The following ZP4 variants were observed in gnomAD, a reference collection of about 807,000 sequenced individuals.
The protein encoded by ZP4 is zona pellucida glycoprotein 4, also known as zona pellucida sperm-binding protein 4.
ZP4 carries 62 observed loss-of-function variants against 62.3 expected under a neutral mutation model. The observed-to-expected ratio is 0.99, with a 90% CI of 0.81 to 1.23. ZP4 has a LOEUF of 1.23. Ranked by LOEUF, ZP4 falls within the 50% of genes most tolerant of loss-of-function variation. The pLI is 0.00. For missense variants in ZP4, 774 were observed against 656.0 expected (o/e 1.18, Z -1.97); for synonymous variants, 289 against 247.3 (o/e 1.17, Z -1.58).
rs776928138 is a variant in ZP4 at position 237,885,276 on chromosome 1, G to T, written c.1200C>A (p.Ile400=). 5 of 1,614,050 alleles carry T rather than the reference G, an allele frequency of 3.1e-6. No homozygotes were observed. The Admixed American group carries it at 8.3e-5, about 27-fold the overall frequency. Residue 400 remains isoleucine, a synonymous_variant, in exon 9 of 12, where the codon ATC becomes ATA. Coordinates refer to ENST00000366570, the MANE Select transcript of ZP4 (RefSeq NM_021186.5). ...GAAGATCCAAGGCTTTCTGGACAGG[G>T]ATCAGCTGGGTCTGATAGTTGTCTC... ...YIGDNYQTQL[I]PVQKALDLPF... is the part of the protein sequence containing the mutation.
At chr1:237,889,991 G>A in intron 2 of ZP4, 22 bp from the exon 3 acceptor site, 1 of 1,614,166 alleles carries the variant, frequency 6.2e-7, no homozygotes, top group Non-Finnish European at 8.5e-7. Context: ...GGCCCTTGGG[G>A]GTCAGCCTGG....
At chr1:237,884,057 C>CACACAAACACACACAAACACACACAA (rs1665036369) in intron 10 of ZP4, among the ~76,000 whole-genome samples, 15 of 137,176 alleles carry the variant, frequency 1.1e-4, no homozygotes, top group African/African-American at 4.8e-4. Context: ...CACACAAACA[C>CACACAAACACACACAAACACACACAA]ACACAAACAC....
At position 237,890,796 on chromosome 1, in the gene ZP4, T is replaced by C; in HGVS notation, c.-161A>G. Reference sequence around the variant, plus strand: ...GGATGCCTTCAGAAAGGGGAATTCCTCTAGCCTCATTTGCTTTGGGGCACA... The same window carrying C: ...GGATGCCTTCAGAAAGGGGAATTCCCCTAGCCTCATTTGCTTTGGGGCACA... On this transcript the variant is annotated 5_prime_UTR_variant, in exon 1 of 12. Coordinates refer to ENST00000366570, the MANE Select transcript of ZP4 (RefSeq NM_021186.5). 2.8e-6 allele frequency: 2 copies of C among 725,000 alleles called. No individual in the cohort carries two copies. The highest frequency in any genetic ancestry group is 2.2e-6 in the Non-Finnish European group (1 of 459,090). 44.9% of individuals were successfully genotyped at this position (725,000 alleles called of 1,614,324 possible). A position where few individuals can be genotyped will look rare whatever the true frequency, so the allele number is the denominator to read the frequency against.
In ZP4 at chr1:237,884,049, CACAAACACACACAA is replaced by C. The variant is rs1558531276; in HGVS notation, c.1390+706_1390+719del. On this transcript the variant is annotated intron_variant, in intron 10 of 11. Coordinates refer to ENST00000366570, the MANE Select transcript of ZP4 (RefSeq NM_021186.5). ...ACACACACAAACACACACAAACACA[CACAAACACACACAA>C]ACACACACAAACACACACAAACACA... Among the ~76,000 whole-genome samples the C allele has an allele frequency of 3.4e-4, 46 of 136,550 alleles. 1 individual carries two copies. The highest frequency in any genetic ancestry group is 1.3e-3 in the African/African-American group (38 of 29,308). 89.6% of individuals were successfully genotyped at this position (136,550 alleles called of 152,430 possible).
At chr1:237,885,645 C>A (rs1665083711) in intron 7 of ZP4, 65 bp from the exon 8 acceptor site, 1 of 1,595,162 alleles carries the variant, frequency 6.3e-7, no homozygotes, top group Non-Finnish European at 8.5e-7. Flanking sequence ...ACTGTCACCC[C>A]TTTAAATAGC....
In ZP4 at chr1:237,886,872, C is replaced by T. The variant is rs749218125; in HGVS notation, c.742-4G>A. The T allele has an allele frequency of 3.1e-6, 5 of 1,611,926 alleles. No individual in the cohort carries two copies. In the South Asian group the frequency reaches 3.3e-5, roughly 11 times the overall value. On this transcript the variant is annotated splice_polypyrimidine_tract_variant and splice_region_variant and intron_variant, in intron 5 of 11. Coordinates refer to ENST00000366570, the MANE Select transcript of ZP4 (RefSeq NM_021186.5). ...ATACTGCTCGGTCTCCAGTGATCTA[C>T]AGGAATAGATGGAGAAGTCTTGATC...
rs1452091280 is a variant in ZP4, at chr1:237,883,589, C to T, written c.1391-743G>A. On this transcript the variant is annotated intron_variant, in intron 10 of 11. Transcript: ENST00000366570. Reference sequence around the variant, plus strand: ...ATGAGCTGGACTTTGTGGCACATGCCTGTAATCCCAGCTACTCAGGAGGCT... The same window carrying T: ...ATGAGCTGGACTTTGTGGCACATGCTTGTAATCCCAGCTACTCAGGAGGCT... 2.1e-5 allele frequency among the ~76,000 whole-genome samples: 3 copies of T among 140,344 alleles called. No homozygotes were observed. The East Asian group carries it at 6.6e-4, about 31-fold the overall frequency. 92.1% of individuals were successfully genotyped at this position (140,344 alleles called of 152,430 possible).
In ZP4 at chr1:237,885,090, T is replaced by G. The variant is rs948666141; in HGVS notation, c.1311+75A>C. 2.8e-5 allele frequency: 43 copies of G among 1,563,320 alleles called. No homozygotes were observed. In the South Asian group the frequency reaches 5.0e-4, roughly 18 times the overall value. ...TTAAAGGGCTTCCTTGGCTGCAGAG[T>G]AGTAGGACATGGAAACAGTTGTAAG... On this transcript the variant is annotated intron_variant, in intron 9 of 11. Transcript: ENST00000366570.
intron 3 of ZP4, among the ~76,000 whole-genome samples, chr1:237,889,174 C>T (rs1558534750): frequency 6.6e-6 from 1 of 152,144 alleles, no homozygotes; most frequent in Admixed American, 6.5e-5. Context: ...TTCCAAGTTC[C>T]CTTGCTAGCT....
chr1:237,889,214 G>A (rs1477965841), intron 3 of ZP4, among the ~76,000 whole-genome samples: 3 of 152,018 alleles, frequency 2.0e-5, no homozygotes, highest in Non-Finnish European at 4.4e-5. Context: ...TTCTCCCCAT[G>A]GGTGAAAAGC....
chr1:237,886,592 G>A (rs111841845), intron 6 of ZP4, among the ~76,000 whole-genome samples, 179 bp downstream of exon 6: 1 of 152,178 alleles, frequency 6.6e-6, no homozygotes, highest in Non-Finnish European at 1.5e-5. Context: ...TGAGGCTTAG[G>A]TCGGGTTGGA....
intron 9 of ZP4, 147 bp downstream of exon 9, chr1:237,885,018 T>G (rs1314772080): frequency 8.0e-6 from 10 of 1,244,982 alleles, no homozygotes; most frequent in Middle Eastern, 4.6e-4. Flanking sequence ...ATGTCACTCA[T>G]GTAATTAGTA....
Position 237,888,361 on chromosome 1 carries a change from T to C in ZP4, c.550A>G (p.Thr184Ala). 6.3e-7 allele frequency: 1 copy of C among 1,577,292 alleles called. No homozygotes were observed. Among genetic ancestry groups the C allele is most frequent in the Non-Finnish European group, 8.7e-7 (1 of 1,153,646 alleles). ...EEVNSCYYGN[T>A]VTLHCTREGH... ...AGAGGTGTGCTCACTTACTCACCAGTGTTTCCATAGTAGCAGGAATTCACC... is the reference window on the plus strand; with the variant it reads ...AGAGGTGTGCTCACTTACTCACCAGCGTTTCCATAGTAGCAGGAATTCACC... Residue 184 changes from threonine to alanine, a missense_variant, in exon 4 of 12, where the codon ACT (threonine) becomes GCT (alanine). Transcript: ENST00000366570.
Position 237,884,824 on chromosome 1 carries a change from T to A in ZP4, c.1335A>T (p.Ser445=), listed in dbSNP as rs751843901. The change falls in exon 10 of 12, where the codon TCA becomes TCT. Residue 445 remains serine (S), a synonymous_variant. Transcript: ENST00000366570. ...RGPVHLHCSV[S]VCQPAETPSC... ...ATGGTGTCTCAGCAGGCTGGCAGAC[T>A]GACACGCTGCAGTGCAGATGCACCT... 1 of 1,613,698 alleles carries A rather than the reference T, an allele frequency of 6.2e-7. No individual in the cohort carries two copies. Among genetic ancestry groups the A allele is most frequent in the South Asian group, 1.1e-5 (1 of 90,864 alleles).
rs772481927 is a variant in ZP4 at position 237,890,610 on chromosome 1, A to G, written c.26T>C (p.Leu9Pro). The G allele has an allele frequency of 1.2e-6, 2 of 1,613,830 alleles. No individual in the cohort carries two copies. The highest frequency in any genetic ancestry group is 1.7e-6 in the Non-Finnish European group (2 of 1,179,938). MWLLRCVL[L>P]CVSLSLAVSG... ...CACAGCAAGAGATAATGAAACACAC[A>G]GCAAAACGCACCGCAGCAGCCACAT... The change falls in exon 1 of 12, where the codon CTG becomes CCG. Residue 9 changes from leucine to proline, a missense_variant. Coordinates refer to ENST00000366570, the MANE Select transcript of ZP4 (RefSeq NM_021186.5).
rs1190265510 is a variant in ZP4, at chr1:237,890,638, T to C, written c.-3A>G. On this transcript the variant is annotated 5_prime_UTR_variant, in exon 1 of 12. Transcript: ENST00000366570. ...AAAACGCACCGCAGCAGCCACATAA[T>C]GCTACCAGGAGTTCCTGCCGGCTGC... 3.1e-6 allele frequency: 5 copies of C among 1,611,374 alleles called. No individual in the cohort carries two copies. Among genetic ancestry groups the C allele is most frequent in the Middle Eastern group, 1.7e-4 (1 of 5,728 alleles).
Position 237,882,449 on chromosome 1 carries a change from C to A in ZP4, c.1596G>T (p.Lys532Asn), listed in dbSNP as rs1215365398. The A allele has an allele frequency of 6.2e-7, 1 of 1,611,174 alleles. No homozygotes were observed. The highest frequency in any genetic ancestry group is 8.5e-7 in the Non-Finnish European group (1 of 1,179,444). Residue 532 changes from lysine (K) to asparagine (N), a missense_variant, in exon 12 of 12, where the codon AAG becomes AAT. Physicochemically the swap from Lys to Asn is moderately conservative, Grantham distance 94. Transcript: ENST00000366570. ...ATTGACACATTTGGTCTGGGCAACTCTTCTGTTTCTTGACAGCCAAGTAGG... is the reference window on the plus strand; with the variant it reads ...ATTGACACATTTGGTCTGGGCAACTATTCTGTTTCTTGACAGCCAAGTAGG... ...LVSYLAVKKQ[K>N]SCPDQMCQ
intron 10 of ZP4, among the ~76,000 whole-genome samples, chr1:237,883,254 T>C (rs566393340): frequency 6.6e-6 from 1 of 152,072 alleles, no homozygotes; most frequent in Non-Finnish European, 1.5e-5. Context: ...TCACTTGAAA[T>C]ATACAGTTTT....
chr1:237,883,967 AACACACACACACACAAACACACAC>A (rs576075741), intron 10 of ZP4, among the ~76,000 whole-genome samples: 159 of 86,510 alleles, frequency 1.8e-3, no homozygotes, highest in Non-Finnish European at 2.3e-3. Flanking sequence ...CACACACACA[AACACACACACACACAAACACACAC>A]ACACACACAC....
Sources: allele counts gnomAD v4.1 joint callset (sites outside exome capture counted in the v4.1 genomes callset), GRCh38; gene constraint gnomAD v4.1.1; transcripts MANE v1.5; gene names NCBI Gene and HGNC (gene_info 2026-07-23, HGNC 2026-07-21).